Variants in MYO1E observed in about 807,000 individuals in gnomAD.
The protein encoded by MYO1E is myosin IE.
In MYO1E, 68 loss-of-function variants were observed where a neutral mutation model predicts 151.1. The ratio of observed to expected loss-of-function variants is 0.45; its 90% CI spans 0.37 to 0.55. The LOEUF (loss-of-function observed/expected upper bound fraction) is 0.55. Among genes scored for constraint, MYO1E ranks in the 20% least tolerant of loss-of-function variants. The pLI, the probability that MYO1E is intolerant of heterozygous loss-of-function variation, is 0.00. For missense variants in MYO1E, 1,363 were observed against 1,389.3 expected, an observed-to-expected ratio of 0.98 and a Z score of 0.30; for synonymous variants, 601 against 501.7, an observed-to-expected ratio of 1.20 and a Z score of -2.64.
chr15:59,210,418 G>C, intron 13 of MYO1E, 96 bp downstream of exon 13: 1 of 882,660 alleles, frequency 1.1e-6, no homozygotes, highest in Non-Finnish European at 1.9e-6. Context: ...AATCAGAGTT[G>C]TCACTTTGCC....
chr15:59,319,041 T>C (rs1159215102), intron 1 of MYO1E, among the ~76,000 whole-genome samples: 6 of 152,216 alleles, frequency 3.9e-5, no homozygotes, highest in African/African-American at 1.4e-4. Context: ...CTGGGTGTGG[T>C]GGCTCATGCC....
chr15:59,332,527 A>G (rs976048001), intron 1 of MYO1E, among the ~76,000 whole-genome samples: 4 of 152,308 alleles, frequency 2.6e-5, no homozygotes, highest in Middle Eastern at 6.8e-3. Context: ...CTAACCTGAC[A>G]GCAGCAGCAG....
At chr15:59,176,995 A>AG (rs1295745785) in intron 19 of MYO1E, among the ~76,000 whole-genome samples, 1 of 152,224 alleles carries the variant, frequency 6.6e-6, no homozygotes, top group African/African-American at 2.4e-5. Context: ...CAACTGAAGC[A>AG]GAAAAAAAAG....
chr15:59,191,004 G>A (rs569522911), intron 17 of MYO1E, among the ~76,000 whole-genome samples: 1 of 152,204 alleles, frequency 6.6e-6, no homozygotes, highest in Non-Finnish European at 1.5e-5. Flanking sequence ...GGAGGAGGGG[G>A]ACAGATGAAG....
At chr15:59,304,571 T>A (rs963082105) in intron 1 of MYO1E, among the ~76,000 whole-genome samples, 2 of 152,226 alleles carry the variant, frequency 1.3e-5, no homozygotes, top group Non-Finnish European at 2.9e-5. Context: ...ATCTTTGCCT[T>A]CTTTTTCCTC....
At chr15:59,198,944 A>T (rs1039081803) in intron 16 of MYO1E, among the ~76,000 whole-genome samples, 3 of 152,154 alleles carry the variant, frequency 2.0e-5, no homozygotes, top group Admixed American at 2.0e-4. Flanking sequence ...AGCTATAGCC[A>T]GTCTGCCTTT....
At chr15:59,153,863 C>T in intron 25 of MYO1E, 72 bp from the exon 26 acceptor site, 1 of 1,383,982 alleles carries the variant, frequency 7.2e-7, no homozygotes, top group South Asian at 1.2e-5. Flanking sequence ...CTCCACATTT[C>T]TTCCATGTAC....
At chr15:59,345,517 C>G (rs1166802911) in intron 1 of MYO1E, among the ~76,000 whole-genome samples, 1 of 152,176 alleles carries the variant, frequency 6.6e-6, no homozygotes, top group South Asian at 2.1e-4. Flanking sequence ...CTATATTGCC[C>G]AGCTTTACCA....
chr15:59,229,579 G>A (rs1174865404), intron 6 of MYO1E, among the ~76,000 whole-genome samples: 3 of 152,152 alleles, frequency 2.0e-5, no homozygotes, highest in Admixed American at 6.5e-5. Context: ...GTTTCACCTC[G>A]ACTCTTGGTA....
chr15:59,248,351 T>C (rs2080143155), intron 4 of MYO1E, among the ~76,000 whole-genome samples: 1 of 149,988 alleles, frequency 6.7e-6, no homozygotes, highest in African/African-American at 2.5e-5. Context: ...CCAGGCAAGG[T>C]GGTGGGCGCC....
chr15:59,347,421 G>A (rs2080800760), intron 1 of MYO1E, among the ~76,000 whole-genome samples: 1 of 152,066 alleles, frequency 6.6e-6, no homozygotes, highest in Non-Finnish European at 1.5e-5. Flanking sequence ...TGCTCTAGAG[G>A]GTTCATGCTA....
chr15:59,360,065 T>C lies in MYO1E; in HGVS notation c.3+12433A>G, dbSNP rs533270382. ...GAAGATAAGAACAGTGAAATCAAGA[T>C]TGGTCATGAGTTGTCAACGGCTGAA... is the stretch of plus-strand genomic sequence containing the variant. On this transcript the variant is annotated intron_variant, in intron 1 of 27. Transcript: ENST00000288235. Among the ~76,000 whole-genome samples the C allele has an allele frequency of 1.3e-4, 20 of 152,286 alleles. 2 individuals carry two copies. The South Asian group carries it at 3.5e-3, about 27-fold the overall frequency.
rs1189262575 is a variant in MYO1E at position 59,134,972 on chromosome 15, T to C, written c.*2408A>G. 1 of 152,236 alleles carries C rather than the reference T, an allele frequency of 6.6e-6. No homozygotes were observed. The highest frequency in any genetic ancestry group is 1.5e-5 in the Non-Finnish European group (1 of 68,038). 9.4% of individuals were successfully genotyped at this position (152,236 alleles called of 1,614,324 possible). On this transcript the variant is annotated 3_prime_UTR_variant, in exon 28 of 28. Transcript: ENST00000288235. ...GGAAATGTTATTTATCCCAGATTTT[T>C]CTGGTAGTCCCCATGTTGAATTTCT...
chr15:59,174,881 G>C (rs1195118221), intron 19 of MYO1E, among the ~76,000 whole-genome samples: 1 of 152,124 alleles, frequency 6.6e-6, no homozygotes, highest in Non-Finnish European at 1.5e-5. Context: ...GGCTGGGGCT[G>C]TTTAGGGACC....
intron 10 of MYO1E, 111 bp from the exon 11 acceptor site, chr15:59,214,831 G>GT: frequency 1.2e-6 from 1 of 836,690 alleles, no homozygotes; most frequent in Non-Finnish European, 2.1e-6. Context: ...ACTGCTTGCA[G>GT]GAAACAGAGG....
At chr15:59,371,375 C>T (rs545812638) in intron 1 of MYO1E, among the ~76,000 whole-genome samples, 1 of 152,130 alleles carries the variant, frequency 6.6e-6, no homozygotes, top group East Asian at 1.9e-4. Context: ...ACGAGATAAT[C>T]CACCTAAGCA....
chr15:59,252,794 G>C (rs2080172933), intron 4 of MYO1E, among the ~76,000 whole-genome samples: 1 of 152,068 alleles, frequency 6.6e-6, no homozygotes, highest in African/African-American at 2.4e-5. Flanking sequence ...GCTGAGGCAG[G>C]AGAATCGCTT....
At chr15:59,318,653 G>C (rs933651785) in intron 1 of MYO1E, among the ~76,000 whole-genome samples, 2 of 152,190 alleles carry the variant, frequency 1.3e-5, no homozygotes, top group Admixed American at 1.3e-4. Context: ...TGGGGGTAGA[G>C]AGTAGTAGAA....
chr15:59,178,984 T>G (rs2079642466), intron 18 of MYO1E, among the ~76,000 whole-genome samples: 1 of 152,216 alleles, frequency 6.6e-6, no homozygotes, highest in African/African-American at 2.4e-5. Context: ...TGTATCAACT[T>G]TCACCTTTGA....
Sources: gnomAD v4.1 joint callset for allele counts (sites outside exome capture counted in the v4.1 genomes callset) on GRCh38, gnomAD v4.1.1 for gene constraint, MANE v1.5 for transcripts, NCBI Gene and HGNC (gene_info 2026-07-23, HGNC 2026-07-21) for gene names.